Variants in NME8 observed in about 807,000 individuals in gnomAD.
NME8 encodes the protein protein NME8.
A neutral mutation model predicts 82.3 loss-of-function variants in NME8; 72 were observed. The observed-to-expected ratio is 0.87, with a 90% CI of 0.72 to 1.06. NME8 has a LOEUF of 1.06. NME8 is among the 50% of genes least tolerant of loss of function. The probability of loss-of-function intolerance (pLI) is 0.00; values close to 1 mark genes in which losing one functional copy is unlikely to be tolerated. For missense variants in NME8, 712 were observed against 685.4 expected, an observed-to-expected ratio of 1.04 and a Z score of -0.43; for synonymous variants, 267 against 228.5, an observed-to-expected ratio of 1.17 and a Z score of -1.52.
chr7:37,855,256 A>G (rs1466998090), intron 5 of NME8, among the ~76,000 whole-genome samples: 1 of 152,194 alleles, frequency 6.6e-6, no homozygotes, highest in African/African-American at 2.4e-5. Context: ...GACACCAGGG[A>G]CAAAGCACTG....
chr7:37,883,841 T>C (rs1382501568), intron 12 of NME8, among the ~76,000 whole-genome samples: 1 of 152,172 alleles, frequency 6.6e-6, no homozygotes, highest in Non-Finnish European at 1.5e-5. Flanking sequence ...GAGAAATACC[T>C]TCAGGTATTC....
intron 5 of NME8, among the ~76,000 whole-genome samples, chr7:37,853,854 C>T (rs1784471841): frequency 6.6e-6 from 1 of 151,288 alleles, no homozygotes; most frequent in Non-Finnish European, 1.5e-5. Flanking sequence ...AAAAGAGGAA[C>T]ATTAAATATT....
chr7:37,891,735 CAG>C (rs778103437), intron 15 of NME8, among the ~76,000 whole-genome samples: 25 of 151,852 alleles, frequency 1.6e-4, no homozygotes. Context: ...TCACTAGAGA[CAG>C]AAACTAAAAA....
chr7:37,873,135 C>T (rs998604258), intron 11 of NME8, among the ~76,000 whole-genome samples: 3 of 151,822 alleles, frequency 2.0e-5, no homozygotes, highest in Admixed American at 2.0e-4. Context: ...GCCTGTAATC[C>T]CAGCATTTGA....
At chr7:37,854,579 C>T (rs951834564) in intron 5 of NME8, among the ~76,000 whole-genome samples, 1 of 152,110 alleles carries the variant, frequency 6.6e-6, no homozygotes, top group Non-Finnish European at 1.5e-5. Context: ...TAGAAGGGTC[C>T]ATGTCATAAA....
rs1209588157 is a variant in NME8 at position 37,865,550 on chromosome 7, A to G, written c.554A>G (p.Glu185Gly). 1 of 1,612,772 alleles carries G rather than the reference A, an allele frequency of 6.2e-7. No individual in the cohort carries two copies. The highest frequency in any genetic ancestry group is 1.3e-5 in the African/African-American group (1 of 75,000). Residue 185 changes from glutamate to glycine, a missense_variant, in exon 10 of 18, where the codon GAA (glutamate) becomes GGA (glycine). Transcript: ENST00000199447. ...RKITKAGFII[E>G]AEHKTVLTEE... ...ATTACCAAAGCTGGATTTATTATAG[A>G]AGCAGAGCATAAGACAGTGCTCACT...
At chr7:37,879,043 C>T (rs1424301125) in intron 12 of NME8, among the ~76,000 whole-genome samples, 1 of 152,078 alleles carries the variant, frequency 6.6e-6, no homozygotes, top group African/African-American at 2.4e-5. Flanking sequence ...CTCTCCTAAC[C>T]CCTGGCAACC....
intron 6 of NME8, among the ~76,000 whole-genome samples, chr7:37,858,947 T>C (rs375238849): frequency 1.3e-5 from 2 of 152,046 alleles, no homozygotes; most frequent in Admixed American, 6.6e-5. Context: ...CTTAAAGAGC[T>C]TGGCACTGTC....
chr7:37,875,210 A>G (rs1398855998), intron 11 of NME8, among the ~76,000 whole-genome samples: 1 of 152,220 alleles, frequency 6.6e-6, no homozygotes, highest in Admixed American at 6.5e-5. Flanking sequence ...AGGAGATGGG[A>G]CAACTACATG....
rs780233495 is a variant in NME8, at chr7:37,894,504, C to T, written c.1438C>T (p.Leu480=). 2 of 1,613,112 alleles carry T rather than the reference C, an allele frequency of 1.2e-6. No homozygotes were observed. Among genetic ancestry groups the T allele is most frequent in the Admixed American group, 3.3e-5 (2 of 59,944 alleles). Residue 480 remains leucine, a synonymous_variant, in exon 16 of 18, where the codon CTG becomes TTG. Coordinates refer to ENST00000199447, the MANE Select transcript of NME8 (RefSeq NM_016616.5). ...LKIVKEAGFD[L]TQVKKMFLTP... is the part of the protein sequence containing the mutation. ...GATAGTTAAGGAGGCTGGATTTGAT[C>T]TGACACAGGTGAAGAAAATGTTCCT...
intron 11 of NME8, among the ~76,000 whole-genome samples, chr7:37,868,130 AC>A (rs1395811410): frequency 5.9e-5 from 9 of 152,248 alleles, no homozygotes; most frequent in African/African-American, 2.2e-4. Flanking sequence ...GTAAGAATTT[AC>A]AGATGACAGT....
intron 5 of NME8, among the ~76,000 whole-genome samples, chr7:37,856,086 T>C (rs1391736291): frequency 1.3e-5 from 2 of 152,210 alleles, no homozygotes; most frequent in African/African-American, 4.8e-5. Flanking sequence ...TTAGCAGCAC[T>C]TGCAACATCC....
At chr7:37,867,970 C>G in intron 11 of NME8, 72 bp downstream of exon 11, 1 of 1,288,898 alleles carries the variant, frequency 7.8e-7, no homozygotes, top group Non-Finnish European at 1.1e-6. Context: ...GTAGGCACCT[C>G]AGTACCTAAG....
At chr7:37,862,261 A>C (rs1562830735) in intron 7 of NME8, 117 bp downstream of exon 7, 1 of 734,008 alleles carries the variant, frequency 1.4e-6, no homozygotes, top group South Asian at 1.5e-5. Context: ...TATGTCTTTT[A>C]ATTTTAAAAA....
intron 16 of NME8, among the ~76,000 whole-genome samples, chr7:37,895,463 T>C (rs1285365617): frequency 6.6e-6 from 1 of 152,162 alleles, no homozygotes; most frequent in Non-Finnish European, 1.5e-5. Flanking sequence ...TTGTCCGCAG[T>C]CACAAAACTA....
intron 12 of NME8, among the ~76,000 whole-genome samples, chr7:37,879,665 T>C (rs1419036570): frequency 6.6e-6 from 1 of 152,230 alleles, no homozygotes; most frequent in African/African-American, 2.4e-5. Flanking sequence ...GGTGTTCATA[T>C]GCAGGTTTTT....
In NME8 at chr7:37,861,955, G is replaced by T. The variant is rs187067113; in HGVS notation, c.271-73G>T. The T allele has an allele frequency of 2.2e-5, 20 of 917,740 alleles. No homozygotes were observed. The East Asian group carries it at 4.8e-4, about 22-fold the overall frequency. 56.8% of individuals were successfully genotyped at this position (917,740 alleles called of 1,614,324 possible). On this transcript the variant is annotated intron_variant, in intron 6 of 17. Transcript: ENST00000199447. ...TAGGGTAGAAGGGAGGGATGACTTA[G>T]TCCAGTTTAAGTGTTAGTTCTTGGT...
At chr7:37,866,997 A>G (rs1242624046) in intron 10 of NME8, among the ~76,000 whole-genome samples, 1 of 152,156 alleles carries the variant, frequency 6.6e-6, no homozygotes, top group African/African-American at 2.4e-5. Context: ...TACTGAATAC[A>G]CGATTTACAT....
chr7:37,885,052 A>C, intron 13 of NME8, 93 bp from the exon 14 acceptor site: 1 of 773,858 alleles, frequency 1.3e-6, no homozygotes, highest in Non-Finnish European at 2.3e-6. Context: ...CATGTTTTTG[A>C]TCTATTTAAC....
Sources: gnomAD v4.1 joint callset for allele counts (sites outside exome capture counted in the v4.1 genomes callset) on GRCh38, gnomAD v4.1.1 for gene constraint, MANE v1.5 for transcripts, NCBI Gene and HGNC (gene_info 2026-07-23, HGNC 2026-07-21) for gene names.